FBXL5: variants seen among roughly 807,000 people sequenced by gnomAD.
FBXL5 encodes the protein F-box/LRR-repeat protein 5.
A neutral mutation model predicts 78.3 loss-of-function variants in FBXL5; 26 were observed. The observed-to-expected ratio is 0.33, with a 90% CI of 0.24 to 0.46. The LOEUF (loss-of-function observed/expected upper bound fraction) is 0.46. Ranked by LOEUF, FBXL5 falls within the 20% of genes least tolerant of loss-of-function variation. FBXL5 has a pLI of 1.00. For synonymous variants in FBXL5, 295 were observed against 282.5 expected, an observed-to-expected ratio of 1.04 and a Z score of -0.45; for missense variants, 710 against 829.2, an observed-to-expected ratio of 0.86 and a Z score of 1.77.
chr4:15,641,888 G>A (rs937081744), intron 2 of FBXL5, among the ~76,000 whole-genome samples: 8 of 152,068 alleles, frequency 5.3e-5, no homozygotes, highest in Admixed American at 5.2e-4. Context: ...TCAGCCAGGT[G>A]TAATGATGGG....
At chr4:15,638,120 A>G (rs942832061) in intron 4 of FBXL5, among the ~76,000 whole-genome samples, 1 of 152,194 alleles carries the variant, frequency 6.6e-6, no homozygotes, top group Non-Finnish European at 1.5e-5. Context: ...AGCAGCCACT[A>G]TGGTCAATAA....
intron 1 of FBXL5, among the ~76,000 whole-genome samples, chr4:15,667,817 G>A (rs879445381): frequency 2.0e-5 from 3 of 152,060 alleles, no homozygotes; most frequent in African/African-American, 4.8e-5. Flanking sequence ...CAATGTGGGC[G>A]GATCACCTGA....
At chr4:15,667,070 A>G (rs1419058387) in intron 1 of FBXL5, among the ~76,000 whole-genome samples, 2 of 152,236 alleles carry the variant, frequency 1.3e-5, no homozygotes, top group African/African-American at 4.8e-5. Flanking sequence ...ATTATAAACC[A>G]TATTTGTACC....
intron 6 of FBXL5, 130 bp downstream of exon 6, chr4:15,630,536 G>A: frequency 1.3e-6 from 1 of 743,116 alleles, no homozygotes; most frequent in Non-Finnish European, 1.9e-6. Context: ...ATTTTAAAAA[G>A]TAGTAGGCTT....
chr4:15,643,875 CA>C (rs1314733330), intron 2 of FBXL5, among the ~76,000 whole-genome samples: 23 of 152,170 alleles, frequency 1.5e-4, no homozygotes, highest in African/African-American at 5.5e-4. Flanking sequence ...CTTCGACTTA[CA>C]AAAACAGCTT....
chr4:15,681,474 T>G (rs1718265277), exon 1 of FBXL5: 1 of 167,188 alleles, frequency 6.0e-6, no homozygotes, highest in African/African-American at 2.4e-5. Context: ...GCTCTGGGAC[T>G]CTGTCCGGAC....
chr4:15,613,022 A>C (rs1722374047), intron 9 of FBXL5, among the ~76,000 whole-genome samples: 1 of 152,242 alleles, frequency 6.6e-6, no homozygotes. Flanking sequence ...CTGCAGCCAC[A>C]AAGTACTGAC....
intron 6 of FBXL5, among the ~76,000 whole-genome samples, chr4:15,629,592 G>GT (rs1713414850): frequency 2.6e-5 from 4 of 151,832 alleles, no homozygotes; most frequent in Non-Finnish European, 5.9e-5. Context: ...GTTTTGTTTT[G>GT]CTTTTTTCCA....
intron 1 of FBXL5, among the ~76,000 whole-genome samples, chr4:15,648,882 GGTAATC>G (rs1715641805): frequency 6.6e-6 from 1 of 152,032 alleles, no homozygotes; most frequent in African/African-American, 2.4e-5. Context: ...CCACACAAAG[GGTAATC>G]GTTTGTGGTG....
intron 5 of FBXL5, among the ~76,000 whole-genome samples, chr4:15,633,279 C>G (rs1713881043): frequency 6.6e-6 from 1 of 152,120 alleles, no homozygotes; most frequent in African/African-American, 2.4e-5. Flanking sequence ...AAAAGTTTTT[C>G]AACTTTTTTA....
chr4:15,652,806 T>G (rs1290322382), intron 1 of FBXL5, among the ~76,000 whole-genome samples: 1 of 152,210 alleles, frequency 6.6e-6, no homozygotes, highest in Non-Finnish European at 1.5e-5. Flanking sequence ...AGCCCAAATT[T>G]GTACAGTGAA....
At chr4:15,656,275 A>G (rs1398304731), upstream of FBXL5, 1 of 456,250 alleles carries the variant, frequency 2.2e-6, no homozygotes, top group Non-Finnish European at 4.4e-6. Flanking sequence ...GGCCCTGGCC[A>G]CAGACCTCCT....
At chr4:15,640,767 C>T (rs1388297866) in intron 3 of FBXL5, 21 bp downstream of exon 3, 4 of 1,353,788 alleles carry the variant, frequency 3.0e-6, no homozygotes, top group South Asian at 2.7e-5. Flanking sequence ...ATCTAAATCA[C>T]GAAAGAAAAA....
At chr4:15,619,675 G>T (rs973014038) in intron 9 of FBXL5, among the ~76,000 whole-genome samples, 1 of 152,048 alleles carries the variant, frequency 6.6e-6, no homozygotes, top group Non-Finnish European at 1.5e-5. Context: ...ACAAGAAAAA[G>T]AAATAAATGA....
chr4:15,679,453 G>A (rs1718119630), intron 1 of FBXL5, among the ~76,000 whole-genome samples: 1 of 151,328 alleles, frequency 6.6e-6, no homozygotes, highest in African/African-American at 2.4e-5. Context: ...TTTTTGAATT[G>A]CTTCTGTCAT....
At chr4:15,651,781 C>T (rs1013848295) in intron 1 of FBXL5, among the ~76,000 whole-genome samples, 1 of 152,106 alleles carries the variant, frequency 6.6e-6, no homozygotes, top group South Asian at 2.1e-4. Context: ...AAAATTTGGG[C>T]ACACCTTAAG....
At chr4:15,628,064 T>G (rs763143090) in intron 6 of FBXL5, 31 bp from the exon 7 acceptor site, 3 of 1,593,412 alleles carry the variant, frequency 1.9e-6, no homozygotes, top group South Asian at 1.1e-5. Context: ...TCCAAGAACT[T>G]GATAAACTGA....
At chr4:15,640,722 C>G in intron 3 of FBXL5, 66 bp downstream of exon 3, 1 of 866,428 alleles carries the variant, frequency 1.2e-6, no homozygotes, top group Non-Finnish European at 1.8e-6. Context: ...TTTGAAGAGT[C>G]TCTAAAGCAA....
In FBXL5 at chr4:15,629,366, C is replaced by G. The variant is rs546893412; in HGVS notation, c.892+1300G>C. Among the ~76,000 whole-genome samples the G allele has an allele frequency of 3.9e-5, 6 of 152,264 alleles. No homozygotes were observed. In the East Asian group the frequency reaches 1.2e-3, roughly 29 times the overall value. On this transcript the variant is annotated intron_variant, in intron 6 of 10. Coordinates refer to ENST00000341285, the MANE Select transcript of FBXL5 (RefSeq NM_012161.4). ...AACTGAGACTTCCTTAAGTTGACATCTGAGCAAATATCTCATCTCCTTCAG... is the reference window on the plus strand; with the variant it reads ...AACTGAGACTTCCTTAAGTTGACATGTGAGCAAATATCTCATCTCCTTCAG...
Sources: gnomAD v4.1 joint callset for allele counts (sites outside exome capture counted in the v4.1 genomes callset) on GRCh38, gnomAD v4.1.1 for gene constraint, MANE v1.5 for transcripts, NCBI Gene and HGNC (gene_info 2026-07-23, HGNC 2026-07-21) for gene names.